Variants in SMC1B observed in about 807,000 individuals in gnomAD.
SMC1B encodes structural maintenance of chromosomes 1B.
Under a neutral mutation model 157.9 loss-of-function variants are expected in SMC1B, and 60 were observed. The observed-to-expected ratio is 0.38, with a 90% CI of 0.31 to 0.47. SMC1B has a LOEUF of 0.47. SMC1B is among the 20% of genes least tolerant of loss of function. The pLI is 0.99. For missense variants in SMC1B, 1,165 were observed against 1,426.2 expected, an observed-to-expected ratio of 0.82 and a Z score of 2.95; for synonymous variants, 445 against 483.0, an observed-to-expected ratio of 0.92 and a Z score of 1.03.
intron 22 of SMC1B, among the ~76,000 whole-genome samples, chr22:45,350,254 CTT>C (rs66465413): frequency 2.3e-5 from 3 of 131,336 alleles, no homozygotes; most frequent in African/African-American, 6.6e-5. Context: ...CTCCTGAGTT[CTT>C]TTTTTTTTTT....
At chr22:45,369,861 A>G (rs1016157170) in intron 15 of SMC1B, 93 bp downstream of exon 15, 113 of 793,202 alleles carry the variant, frequency 1.4e-4, no homozygotes, top group Non-Finnish European at 2.0e-4. Context: ...TTCTTGATGA[A>G]ATGAAACTCA....
chr22:45,358,147 G>T (rs1264516222), intron 19 of SMC1B, among the ~76,000 whole-genome samples: 1 of 152,214 alleles, frequency 6.6e-6, no homozygotes, highest in Non-Finnish European at 1.5e-5. Context: ...AGGTGTGAGA[G>T]AGGGCATGGA....
intron 4 of SMC1B, among the ~76,000 whole-genome samples, chr22:45,402,834 C>A (rs75461346): frequency 1.8e-4 from 27 of 152,146 alleles, no homozygotes; most frequent in African/African-American, 6.0e-4. Context: ...GCCTGGGTCC[C>A]TTTTGTCTGG....
intron 12 of SMC1B, among the ~76,000 whole-genome samples, chr22:45,378,101 T>C (rs2086900656): frequency 6.6e-6 from 1 of 152,134 alleles, no homozygotes; most frequent in African/African-American, 2.4e-5. Context: ...TAAGTTCCCT[T>C]ATATTTTCTT....
At chr22:45,360,034 T>C (rs1233140655) in intron 17 of SMC1B, 76 bp from the exon 18 acceptor site, 1 of 1,117,504 alleles carries the variant, frequency 8.9e-7, no homozygotes, top group Non-Finnish European at 1.3e-6. Flanking sequence ...ATGTATGCTA[T>C]AAACTTTTAT....
At position 45,345,523 on chromosome 22, in the gene SMC1B, A is replaced by G. The variant is rs751741428; in HGVS notation, c.3542T>C (p.Ile1181Thr). ...GAACTCTTCTTTTAGGGAGATGACT[A>G]TCATCTGAAACTGGTCTTGAGTTTG... ...KEQTQDQFQM[I>T]VISLKEEFYS... The change falls in exon 24 of 25, where the codon ATA (isoleucine) becomes ACA (threonine). Residue 1181 changes from isoleucine (I) to threonine (T), a missense_variant. By Grantham distance (89) the Ile-to-Thr change is moderately conservative (BLOSUM62 -1). Coordinates refer to ENST00000357450, the MANE Select transcript of SMC1B (RefSeq NM_148674.5). 1.2e-5 allele frequency: 19 copies of G among 1,613,958 alleles called. No homozygotes were observed. Among genetic ancestry groups the G allele is most frequent in the Admixed American group, 3.3e-5 (2 of 60,020 alleles).
chr22:45,372,712 A>T (rs1171695454), intron 12 of SMC1B, among the ~76,000 whole-genome samples: 1 of 74,082 alleles, frequency 1.3e-5, no homozygotes, highest in Admixed American at 1.2e-4. Flanking sequence ...CATTGACTCC[A>T]GGTCTTTTTT....
chr22:45,396,393 C>T lies in SMC1B; in HGVS notation c.1207G>A (p.Asp403Asn), dbSNP rs200434470. The T allele has an allele frequency of 1.0e-4, 166 of 1,613,188 alleles. No individual in the cohort carries two copies. The highest frequency in any genetic ancestry group is 4.4e-4 in the African/African-American group (33 of 74,992). The change falls in exon 7 of 25, where the codon GAT (aspartate) becomes AAT (asparagine). Residue 403 changes from aspartate to asparagine, a missense_variant. Transcript: ENST00000357450. ...LEKLQWEQKT[D>N]EERLAFEKRR... ...TTTTCAAATGCCAGTCTTTCTTCAT[C>T]TGTCTTCTGTTCCCACTGCAGTTTT...
chr22:45,412,446 G>A (rs1030672948), intron 1 of SMC1B, among the ~76,000 whole-genome samples: 34 of 143,370 alleles, frequency 2.4e-4, no homozygotes, highest in Admixed American at 1.4e-3. Context: ...TGATCCACCC[G>A]CCTCGGCCTC....
At chr22:45,388,923 G>A (rs2087022253) in intron 10 of SMC1B, among the ~76,000 whole-genome samples, 1 of 143,572 alleles carries the variant, frequency 7.0e-6, no homozygotes, top group African/African-American at 2.7e-5. Context: ...GAAGGTGGAG[G>A]CTGCAGTGAA....
Position 45,402,529 on chromosome 22 carries a change from T to G in SMC1B, c.658A>C (p.Lys220Gln), listed in dbSNP as rs1222948965. The change falls in exon 5 of 25, where the codon AAG (lysine) becomes CAG (glutamine). Residue 220 changes from lysine to glutamine, a missense_variant. Lys to Gln is a moderately conservative substitution (Grantham distance 53). Coordinates refer to ENST00000357450, the MANE Select transcript of SMC1B (RefSeq NM_148674.5). ...QSLLEELKMN[K>Q]IQLQLFQLYH... ...AGTTGAAAAAGCTGCAGTTGTATCT[T>G]GTTCATTTTCAGTTCTTCAAGGAGA... is the stretch of plus-strand genomic sequence containing the variant. 6.2e-7 allele frequency: 1 copy of G among 1,613,788 alleles called. No homozygotes were observed. The highest frequency in any genetic ancestry group is 1.3e-5 in the African/African-American group (1 of 74,928).
intron 12 of SMC1B, among the ~76,000 whole-genome samples, chr22:45,374,267 C>T (rs1346972949): frequency 6.8e-6 from 1 of 147,150 alleles, no homozygotes; most frequent in Non-Finnish European, 1.5e-5. Context: ...GTGTAAGTCA[C>T]AATAAAAAGA....
Position 45,402,382 on chromosome 22 carries a change from C to T in SMC1B, c.805G>A (p.Glu269Lys), listed in dbSNP as rs754324826. 9.3e-6 allele frequency: 15 copies of T among 1,613,694 alleles called. 1 individual carries two copies. Among genetic ancestry groups the T allele is most frequent in the African/African-American group, 2.7e-5 (2 of 74,880 alleles). The change falls in exon 5 of 25, where the codon GAA becomes AAA. Residue 269 changes from glutamate to lysine, a missense_variant. Physicochemically the swap from Glu to Lys is moderately conservative, Grantham distance 56. Transcript: ENST00000357450. Reference sequence around the variant, plus strand: ...AGTTGTCTAGTTAGCATTCCATGTTCCTTTTTCCTGGCTTTAACTATGTTT... The same window carrying T: ...AGTTGTCTAGTTAGCATTCCATGTTTCTTTTTCCTGGCTTTAACTATGTTT... ...HENIVKARKK[E>K]HGMLTRQLQQ...
At chr22:45,374,308 A>G (rs1362603116) in intron 12 of SMC1B, among the ~76,000 whole-genome samples, 1 of 152,106 alleles carries the variant, frequency 6.6e-6, no homozygotes, top group Non-Finnish European at 1.5e-5. Flanking sequence ...AAACTTTTAG[A>G]TGATCAAGTT....
intron 8 of SMC1B, among the ~76,000 whole-genome samples, chr22:45,394,163 C>T (rs1472897343): frequency 7.1e-6 from 1 of 141,498 alleles, no homozygotes; most frequent in Non-Finnish European, 1.6e-5. Context: ...CTACAAAATA[C>T]AAAAAAAAAA....
At chr22:45,413,177 C>A (rs942845250) in intron 1 of SMC1B, among the ~76,000 whole-genome samples, 2 of 151,442 alleles carry the variant, frequency 1.3e-5, no homozygotes, top group African/African-American at 4.9e-5. Context: ...GAGAGCGGGG[C>A]CCGAGGCGGG....
chr22:45,402,258 A>C (rs749842978), intron 5 of SMC1B, 75 bp downstream of exon 5: 7 of 993,222 alleles, frequency 7.0e-6, no homozygotes, highest in Non-Finnish European at 1.1e-5. Context: ...ATCAATTTTC[A>C]AAGTGTCACT....
intron 23 of SMC1B, among the ~76,000 whole-genome samples, chr22:45,346,507 G>A (rs1415428465): frequency 6.6e-6 from 1 of 152,204 alleles, no homozygotes; most frequent in Non-Finnish European, 1.5e-5. Flanking sequence ...ATTTCTCTGA[G>A]GGCCTAGAAT....
intron 23 of SMC1B, among the ~76,000 whole-genome samples, chr22:45,346,018 A>T (rs1316913208): frequency 6.6e-6 from 1 of 151,990 alleles, no homozygotes; most frequent in East Asian, 1.9e-4. Context: ...AGCCTGGCCA[A>T]CATGGTGAAC....
Sources: allele counts gnomAD v4.1 joint callset (sites outside exome capture counted in the v4.1 genomes callset), GRCh38; gene constraint gnomAD v4.1.1; transcripts MANE v1.5; gene names NCBI Gene and HGNC (gene_info 2026-07-23, HGNC 2026-07-21).